The following HS2ST1 variants were observed in gnomAD, a reference collection of about 807,000 sequenced individuals.
The protein encoded by HS2ST1 is 2-O-sulfotransferase.
In HS2ST1, 18 loss-of-function variants were observed where a neutral mutation model predicts 42.9. The ratio of observed to expected loss-of-function variants is 0.42; its 90% CI spans 0.29 to 0.62. The LOEUF (loss-of-function observed/expected upper bound fraction) is 0.62, where lower values mean the gene tolerates loss of function less well. HS2ST1 is among the 20% of genes least tolerant of loss of function. The pLI, the probability that HS2ST1 is intolerant of heterozygous loss-of-function variation, is 0.21. For synonymous variants in HS2ST1, 146 were observed against 152.9 expected, an observed-to-expected ratio of 0.95 and a Z score of 0.33; for missense variants, 334 against 433.8, an observed-to-expected ratio of 0.77 and a Z score of 2.04.
chr1:87,097,377 G>A (rs893951124), intron 4 of HS2ST1, among the ~76,000 whole-genome samples: 3 of 152,132 alleles, frequency 2.0e-5, no homozygotes, highest in African/African-American at 4.8e-5. Flanking sequence ...GGCAGTATGT[G>A]ATTTTGTTTT....
At position 87,104,631 on chromosome 1, in the gene HS2ST1, G is replaced by A; in HGVS notation, c.1006G>A (p.Asp336Asn). ...FIRAHAVREK[D>N]GDLYILAQNF... ...CAGAGCCCATGCCGTTCGAGAAAAA[G>A]ATGGAGACCTCTACATCCTCGCACA... The change falls in exon 7 of 7, where the codon GAT becomes AAT. Residue 336 changes from aspartate to asparagine, a missense_variant. By Grantham distance (23) the Asp-to-Asn change is conservative. Transcript: ENST00000370550. 1 of 1,613,778 alleles carries A rather than the reference G, an allele frequency of 6.2e-7. No individual in the cohort carries two copies. Among genetic ancestry groups the A allele is most frequent in the African/African-American group, 1.3e-5 (1 of 75,036 alleles).
intron 1 of HS2ST1, among the ~76,000 whole-genome samples, chr1:86,935,090 T>C (rs916464745): frequency 8.5e-5 from 13 of 152,176 alleles, no homozygotes; most frequent in Non-Finnish European, 1.9e-4. Flanking sequence ...CGTTCTTTAG[T>C]CTATCTGGAA....
chr1:86,998,052 A>G (rs1013909159), intron 1 of HS2ST1, among the ~76,000 whole-genome samples: 4 of 152,130 alleles, frequency 2.6e-5, no homozygotes, highest in Admixed American at 6.6e-5. Context: ...CTAACTTTTC[A>G]CTTGCTGTAC....
intron 1 of HS2ST1, among the ~76,000 whole-genome samples, chr1:86,989,791 G>A (rs59189204): frequency 0.023 from 3,566 of 152,124 alleles, 71 homozygotes; most frequent in African/African-American, 0.049. Context: ...TCATTGTTCA[G>A]CTTCCACCTA....
chr1:86,973,987 CAG>C (rs1648314897), intron 1 of HS2ST1, among the ~76,000 whole-genome samples: 1 of 152,152 alleles, frequency 6.6e-6, no homozygotes, highest in Non-Finnish European at 1.5e-5. Context: ...GTTCCTGACA[CAG>C]AGAACATGAA....
At position 86,914,875 on chromosome 1, in the gene HS2ST1, G is replaced by A; in HGVS notation, c.-162G>A. On this transcript the variant is annotated 5_prime_UTR_variant, in exon 1 of 7. Coordinates refer to ENST00000370550, the MANE Select transcript of HS2ST1 (RefSeq NM_012262.4). Reference sequence around the variant, plus strand: ...GTTGGTGATAGCGCCTGGGGGAGGGGGACTGGAGAGGCGAGAAGGGGGGTC... The same window carrying A: ...GTTGGTGATAGCGCCTGGGGGAGGGAGACTGGAGAGGCGAGAAGGGGGGTC... 5.3e-6 allele frequency: 4 copies of A among 761,724 alleles called. No individual in the cohort carries two copies. Among genetic ancestry groups the A allele is most frequent in the Non-Finnish European group, 6.3e-6 (3 of 475,668 alleles). 47.2% of individuals were successfully genotyped at this position (761,724 alleles called of 1,614,324 possible).
rs1650624808 is a variant in HS2ST1, at chr1:87,045,385, G to T, written c.125-27549G>T. On this transcript the variant is annotated intron_variant, in intron 1 of 6. Coordinates refer to ENST00000370550, the MANE Select transcript of HS2ST1 (RefSeq NM_012262.4). Reference sequence around the variant, plus strand: ...TCTCTCCCTTTTCAGAAGATATTAGGATTGTTCCTTTCCCATCTTCAATTT... The same window carrying T: ...TCTCTCCCTTTTCAGAAGATATTAGTATTGTTCCTTTCCCATCTTCAATTT... 9 of 1,458,528 alleles carry T rather than the reference G, an allele frequency of 6.2e-6. No individual in the cohort carries two copies. The Admixed American group carries it at 1.3e-4, about 22-fold the overall frequency. The allele number at this position is 1,458,528 out of a possible 1,614,324, so 90.3% of individuals were successfully genotyped here. A position where few individuals can be genotyped will look rare whatever the true frequency, so the allele number is the denominator to read the frequency against.
chr1:86,915,391 G>A (rs1165386170), intron 1 of HS2ST1, among the ~76,000 whole-genome samples: 2 of 152,180 alleles, frequency 1.3e-5, no homozygotes, highest in African/African-American at 4.8e-5. Flanking sequence ...TGCAAGGTTG[G>A]GCTTCCCTAG....
intron 1 of HS2ST1, among the ~76,000 whole-genome samples, chr1:87,013,812 T>G (rs990005035): frequency 4.6e-5 from 7 of 152,308 alleles, no homozygotes; most frequent in African/African-American, 1.7e-4. Context: ...ACTTTGCTGC[T>G]TGGAAATTTC....
At chr1:87,025,702 A>G (rs558554714) in intron 1 of HS2ST1, among the ~76,000 whole-genome samples, 7 of 152,342 alleles carry the variant, frequency 4.6e-5, no homozygotes, top group African/African-American at 1.7e-4. Flanking sequence ...GACTGAGTTC[A>G]CTAAGAATTC....
rs57401994 is a variant in HS2ST1 at position 86,990,812 on chromosome 1, T to TTA, written c.124+75676_124+75677dup. 9.8e-3 allele frequency among the ~76,000 whole-genome samples: 101 copies of TTA among 10,258 alleles called. 4 individuals carry two copies. The highest frequency in any genetic ancestry group is 0.013 in the African/African-American group (87 of 6,860). The allele number at this position is 10,258 out of a possible 152,430, so 6.7% of individuals were successfully genotyped here. A position where few individuals can be genotyped will look rare whatever the true frequency, so the allele number is the denominator to read the frequency against. ...CATATGCCACCATGCCTGGCTAATT[T>TTA]TATATATATATATATATATATATAT... On this transcript the variant is annotated intron_variant, in intron 1 of 6. Transcript: ENST00000370550.
chr1:86,975,389 A>C (rs1351851566), intron 1 of HS2ST1, among the ~76,000 whole-genome samples: 1 of 151,842 alleles, frequency 6.6e-6, no homozygotes, highest in Non-Finnish European at 1.5e-5. Flanking sequence ...AGGCACCTTA[A>C]TTTTTCTTTT....
chr1:87,094,350 T>C (rs1336519717), intron 4 of HS2ST1, among the ~76,000 whole-genome samples: 6 of 152,086 alleles, frequency 3.9e-5, no homozygotes, highest in African/African-American at 1.2e-4. Flanking sequence ...ATAATAATTA[T>C]TAACAGTAAT....
chr1:87,080,516 A>G (rs1651657125), intron 2 of HS2ST1, among the ~76,000 whole-genome samples: 1 of 152,174 alleles, frequency 6.6e-6, no homozygotes, highest in African/African-American at 2.4e-5. Context: ...AGACAGAGCA[A>G]TATGGCCAAA....
intron 1 of HS2ST1, among the ~76,000 whole-genome samples, chr1:87,048,786 T>TC (rs1650760921): frequency 1.3e-5 from 2 of 152,136 alleles, no homozygotes; most frequent in Non-Finnish European, 2.9e-5. Flanking sequence ...TACATTGACT[T>TC]TTGCATGTTA....
At chr1:87,099,632 G>A (rs190049174) in intron 5 of HS2ST1, among the ~76,000 whole-genome samples, 22 of 152,240 alleles carry the variant, frequency 1.4e-4, no homozygotes, top group African/African-American at 1.9e-4. Flanking sequence ...CAAATCTCAT[G>A]TCTTTCTTAT....
intron 1 of HS2ST1, among the ~76,000 whole-genome samples, chr1:87,054,765 T>A (rs995640057): frequency 6.6e-6 from 1 of 152,168 alleles, no homozygotes; most frequent in Non-Finnish European, 1.5e-5. Context: ...TCAAAAGACT[T>A]CAAGGTACTG....
At chr1:86,987,341 T>C (rs1000577906) in intron 1 of HS2ST1, among the ~76,000 whole-genome samples, 1 of 152,102 alleles carries the variant, frequency 6.6e-6, no homozygotes, top group Non-Finnish European at 1.5e-5. Flanking sequence ...CCCAAAGTGC[T>C]GGGATTACAG....
chr1:87,010,812 CAG>C (rs1649578895), intron 1 of HS2ST1, among the ~76,000 whole-genome samples: 2 of 150,582 alleles, frequency 1.3e-5, no homozygotes, highest in Non-Finnish European at 3.0e-5. Context: ...TGTTTTGAGA[CAG>C]AGTCTCTGTT....
Sources: allele counts gnomAD v4.1 joint callset (sites outside exome capture counted in the v4.1 genomes callset), GRCh38; gene constraint gnomAD v4.1.1; transcripts MANE v1.5; gene names NCBI Gene and HGNC (gene_info 2026-07-23, HGNC 2026-07-21).